The following KLHL13 variants were observed in gnomAD, a reference collection of about 807,000 sequenced individuals.
The protein encoded by KLHL13 is kelch-like protein 13.
A neutral mutation model predicts 37.1 loss-of-function variants in KLHL13; 10 were observed. The ratio of observed to expected loss-of-function variants is 0.27; its 90% CI spans 0.17 to 0.46. KLHL13 has a LOEUF of 0.46. Among genes scored for constraint, KLHL13 ranks in the 20% least tolerant of loss-of-function variants. The pLI, the probability that KLHL13 is intolerant of heterozygous loss-of-function variation, is 1.00. For synonymous variants in KLHL13, 163 were observed against 181.2 expected (o/e 0.90, Z 0.81); for missense variants, 360 against 509.3 (o/e 0.71, Z 2.82).
At chrX:117,955,006 A>G (rs1458479132) in intron 1 of KLHL13, among the ~76,000 whole-genome samples, 1 of 112,282 alleles carries the variant, frequency 8.9e-6, no homozygotes, top group East Asian at 2.8e-4. Flanking sequence ...GTAGCTCATC[A>G]ACTTTAAAAT....
At chrX:118,109,107 C>T (rs1461052305) in intron 1 of KLHL13, among the ~76,000 whole-genome samples, 2 of 112,054 alleles carry the variant, frequency 1.8e-5, no homozygotes, top group African/African-American at 3.2e-5. Flanking sequence ...TGAGCCACTG[C>T]GTCAGGCCTA....
chrX:118,046,223 T>G (rs760012493), intron 1 of KLHL13, among the ~76,000 whole-genome samples: 1 of 112,672 alleles, frequency 8.9e-6, no homozygotes, highest in African/African-American at 3.2e-5. Context: ...AAGAATGTGA[T>G]CTTGTCAATT....
At chrX:117,975,473 C>T (rs1278815954), upstream of KLHL13, among the ~76,000 whole-genome samples, 3 of 111,781 alleles carry the variant, frequency 2.7e-5, no homozygotes, top group Admixed American at 9.5e-5. Context: ...TCACTGCAAC[C>T]TCTGCCTTTC....
chrX:118,038,585 G>A (rs1177752367), intron 1 of KLHL13, among the ~76,000 whole-genome samples: 1 of 111,403 alleles, frequency 9.0e-6, no homozygotes, highest in Non-Finnish European at 1.9e-5. Context: ...CTCAGCCAAC[G>A]ACCATGGAGG....
intron 1 of KLHL13, among the ~76,000 whole-genome samples, chrX:118,092,211 T>TA (rs2055144726): frequency 9.0e-6 from 1 of 111,540 alleles, no homozygotes; most frequent in African/African-American, 3.3e-5. Flanking sequence ...ATATTGAAAT[T>TA]AAAAAATACA....
At chrX:118,045,661 T>G (rs770935052) in intron 1 of KLHL13, among the ~76,000 whole-genome samples, 2 of 109,219 alleles carry the variant, frequency 1.8e-5, no homozygotes, top group South Asian at 4.0e-4. Context: ...ACAAAAAAAG[T>G]AGATGGGCGT....
At chrX:117,931,812 G>A (rs1403131997) in intron 2 of KLHL13, among the ~76,000 whole-genome samples, 3 of 111,151 alleles carry the variant, frequency 2.7e-5, no homozygotes, top group African/African-American at 9.8e-5. Context: ...CTGAGCTTCA[G>A]CGTCCTTATC....
At chrX:118,083,271 T>C (rs769209229) in intron 1 of KLHL13, among the ~76,000 whole-genome samples, 147 of 111,528 alleles carry the variant, frequency 1.3e-3, no homozygotes, top group African/African-American at 4.5e-3. Context: ...TATCATCATA[T>C]ACCTATGCCC....
At chrX:118,007,234 A>T (rs1176194555) in intron 1 of KLHL13, among the ~76,000 whole-genome samples, 2 of 109,011 alleles carry the variant, frequency 1.8e-5, no homozygotes, top group Non-Finnish European at 3.8e-5. Context: ...ACATAGCGAG[A>T]CCCCATCTCT....
chrX:118,083,925 C>T (rs2055025583), intron 1 of KLHL13, among the ~76,000 whole-genome samples: 1 of 110,354 alleles, frequency 9.1e-6, no homozygotes, highest in Non-Finnish European at 1.9e-5. Context: ...GTTTAATAAG[C>T]TAGAAAAACA....
intron 1 of KLHL13, among the ~76,000 whole-genome samples, chrX:118,009,026 C>A (rs1490038136): frequency 8.9e-6 from 1 of 111,860 alleles, no homozygotes; most frequent in Non-Finnish European, 1.9e-5. Context: ...CTCCTAACAA[C>A]ACCAAAATAT....
At chrX:118,116,830 G>A (rs1486293984), upstream of KLHL13, 1 of 98,406 alleles carries the variant, frequency 1.0e-5, no homozygotes. Context: ...GCTGAGGGAG[G>A]GGGGCGGGAA....
exon 1 of KLHL13, chrX:117,973,190 T>C (rs2053552601): frequency 2.2e-6 from 2 of 911,190 alleles, no homozygotes; most frequent in Non-Finnish European, 2.7e-6. Context: ...ACCATTGTTC[T>C]ACCTTAACAG....
At chrX:117,918,623 T>G (rs1332958476) in intron 4 of KLHL13, among the ~76,000 whole-genome samples, 3 of 111,616 alleles carry the variant, frequency 2.7e-5, no homozygotes, top group Admixed American at 1.9e-4. Context: ...GAAGTAAAAT[T>G]TAAAGGTCTC....
intron 1 of KLHL13, among the ~76,000 whole-genome samples, chrX:118,064,246 G>A (rs2054772358): frequency 9.0e-6 from 1 of 111,515 alleles, no homozygotes; most frequent in South Asian, 3.7e-4. Flanking sequence ...ACTTAAAAAT[G>A]TGTTTTTGAA....
chrX:118,022,937 T>C (rs2054235450), intron 1 of KLHL13, among the ~76,000 whole-genome samples: 1 of 111,762 alleles, frequency 8.9e-6, no homozygotes, highest in African/African-American at 3.2e-5. Flanking sequence ...TTCCCTTGTG[T>C]TTTCTTTTCT....
intron 1 of KLHL13, among the ~76,000 whole-genome samples, chrX:118,035,582 G>A (rs887358898): frequency 9.2e-6 from 1 of 108,390 alleles, no homozygotes; most frequent in Non-Finnish European, 1.9e-5. Flanking sequence ...AGGTATTGAT[G>A]AGACATATCT....
intron 2 of KLHL13, among the ~76,000 whole-genome samples, chrX:117,943,451 T>G (rs945610836): frequency 1.1e-4 from 12 of 110,913 alleles, no homozygotes; most frequent in African/African-American, 3.6e-4. Flanking sequence ...TCCCCATCAC[T>G]TTCAGGTACA....
Position 118,073,354 on chromosome X carries a change from CT to C in KLHL13, c.-56+43153del, listed in dbSNP as rs750107628. 1.8e-4 allele frequency among the ~76,000 whole-genome samples: 20 copies of C among 110,936 alleles called. No individual in the cohort carries two copies. The East Asian group carries it at 2.3e-3, about 13-fold the overall frequency. ...AGAGAGCTTGTGCAGGGAAACTCCC[CT>C]TTATATAACATCAGATCTTGTGAGA... On this transcript the variant is annotated intron_variant, in intron 1 of 6. Coordinates refer to the KLHL13 transcript ENST00000371882.
Sources: allele counts gnomAD v4.1 joint callset (sites outside exome capture counted in the v4.1 genomes callset), GRCh38; gene constraint gnomAD v4.1.1; transcripts MANE v1.5; gene names NCBI Gene and HGNC (gene_info 2026-07-23, HGNC 2026-07-21).